GPATCH2: variants seen among roughly 807,000 people sequenced by gnomAD.
GPATCH2 encodes the protein G patch domain-containing protein 2.
GPATCH2 carries 51 observed loss-of-function variants against 58.0 expected under a neutral mutation model. The observed-to-expected ratio is 0.88, with a 90% CI of 0.70 to 1.11. GPATCH2 has a LOEUF of 1.11. GPATCH2 is among the 50% of genes most tolerant of loss of function. GPATCH2 has a pLI of 0.00. For synonymous variants in GPATCH2, 222 were observed against 218.5 expected (o/e 1.02, Z -0.14); for missense variants, 625 against 652.2 (o/e 0.96, Z 0.45).
At chr1:217,505,968 A>T (rs1400993236) in intron 6 of GPATCH2, among the ~76,000 whole-genome samples, 1 of 152,200 alleles carries the variant, frequency 6.6e-6, no homozygotes, top group Non-Finnish European at 1.5e-5. Context: ...GATTACAGGC[A>T]TGTGCCACCA....
intron 6 of GPATCH2, among the ~76,000 whole-genome samples, chr1:217,506,609 G>A (rs1316965144): frequency 6.6e-6 from 1 of 152,036 alleles, no homozygotes; most frequent in Non-Finnish European, 1.5e-5. Context: ...TCATACCAAG[G>A]GAACAATAAA....
At position 217,589,895 on chromosome 1, in the gene GPATCH2, T is replaced by C. The variant is rs72747620; in HGVS notation, c.1098+20426A>G. Among the ~76,000 whole-genome samples, 580 of 152,272 alleles carry C rather than the reference T, an allele frequency of 3.8e-3. 2 individuals are homozygous for C. Among genetic ancestry groups the C allele is most frequent in the Non-Finnish European group, 6.2e-3 (419 of 68,018 alleles). On this transcript the variant is annotated intron_variant, in intron 5 of 9. Coordinates refer to ENST00000366935, the MANE Select transcript of GPATCH2 (RefSeq NM_018040.5). ...AAATGCCTGAATTCTCAATTAACTA[T>C]AATAGTGCTTCTATAACCAACTCTA...
At position 217,519,139 on chromosome 1, in the gene GPATCH2, C is replaced by T. The variant is rs1663324793; in HGVS notation, c.1099-4250G>A. On this transcript the variant is annotated intron_variant, in intron 5 of 9. Transcript: ENST00000366935. ...AATGTGTTGAATATTTATCTCTTAT[C>T]CCCATACAGAAGAATAAAGGAAGAT... Among the ~76,000 whole-genome samples, 5 of 152,164 alleles carry T rather than the reference C, an allele frequency of 3.3e-5. No individual in the cohort carries two copies. The South Asian group carries it at 1.0e-3, about 32-fold the overall frequency.
chr1:217,570,067 AT>A (rs1168565112), intron 5 of GPATCH2, among the ~76,000 whole-genome samples: 2 of 152,156 alleles, frequency 1.3e-5, no homozygotes, highest in Non-Finnish European at 2.9e-5. Flanking sequence ...CAATATTTAC[AT>A]TGTAAAGATA....
intron 3 of GPATCH2, among the ~76,000 whole-genome samples, chr1:217,611,640 T>C (rs1332465226): frequency 1.3e-5 from 2 of 152,200 alleles, no homozygotes; most frequent in African/African-American, 4.8e-5. Context: ...TATAGGTATA[T>C]AATTAGCTTA....
chr1:217,560,227 T>C (rs1180451491), intron 5 of GPATCH2, among the ~76,000 whole-genome samples: 1 of 152,196 alleles, frequency 6.6e-6, no homozygotes, highest in Non-Finnish European at 1.5e-5. Context: ...AAGCTTGTAC[T>C]CCAAGAGCCT....
chr1:217,590,328 C>A (rs1376902722), intron 5 of GPATCH2, among the ~76,000 whole-genome samples: 1 of 151,990 alleles, frequency 6.6e-6, no homozygotes, highest in Non-Finnish European at 1.5e-5. Flanking sequence ...GGCCCTGTAC[C>A]ATGTCTTTTT....
At chr1:217,479,782 A>G (rs553364644) in intron 8 of GPATCH2, among the ~76,000 whole-genome samples, 2 of 152,298 alleles carry the variant, frequency 1.3e-5, no homozygotes, top group East Asian at 3.9e-4. Flanking sequence ...CTTTACCTGT[A>G]AAGACACATA....
intron 6 of GPATCH2, among the ~76,000 whole-genome samples, chr1:217,513,825 C>CTT (rs567793120): frequency 4.2e-5 from 6 of 141,984 alleles, no homozygotes; most frequent in African/African-American, 5.1e-5. Context: ...GAAAACCAGT[C>CTT]TTTTTTTTTT....
At chr1:217,536,712 T>C (rs1158632246) in intron 5 of GPATCH2, among the ~76,000 whole-genome samples, 1 of 152,168 alleles carries the variant, frequency 6.6e-6, no homozygotes, top group Non-Finnish European at 1.5e-5. Context: ...CGGTGGCTCA[T>C]GCCCGTAATC....
chr1:217,433,097 C>T (rs1464706904), intron 9 of GPATCH2, among the ~76,000 whole-genome samples: 3 of 151,996 alleles, frequency 2.0e-5, no homozygotes, highest in African/African-American at 7.3e-5. Flanking sequence ...CCTTTCCCAT[C>T]ATCAGTTTTC....
intron 8 of GPATCH2, among the ~76,000 whole-genome samples, chr1:217,462,355 T>C (rs1398611050): frequency 1.3e-5 from 2 of 152,200 alleles, no homozygotes; most frequent in East Asian, 1.9e-4. Context: ...TTAGTCATGA[T>C]TGCAAAATGT....
chr1:217,485,012 T>C (rs1232840227), intron 8 of GPATCH2, among the ~76,000 whole-genome samples: 2 of 152,136 alleles, frequency 1.3e-5, no homozygotes, highest in Admixed American at 1.3e-4. Context: ...ACTATAGAAA[T>C]TGGCTCATGT....
intron 5 of GPATCH2, among the ~76,000 whole-genome samples, chr1:217,525,784 T>C (rs1354911400): frequency 6.6e-6 from 1 of 152,142 alleles, no homozygotes; most frequent in Admixed American, 6.5e-5. Context: ...TCAGCAAACA[T>C]GTTTGAGGAC....
At position 217,428,601 on chromosome 1, in the gene GPATCH2, C is replaced by G. The variant is rs1301165030; in HGVS notation, c.*2544G>C. ...GGGGAAGCTTGGGATGTTATCACTT[C>G]TCTGCTTTGAGTGCTGATTCACATA... On this transcript the variant is annotated 3_prime_UTR_variant, in exon 10 of 10. Transcript: ENST00000366935. 6.6e-6 allele frequency: 1 copy of G among 152,178 alleles called. No individual in the cohort carries two copies. Among genetic ancestry groups the G allele is most frequent in the African/African-American group, 2.4e-5 (1 of 41,448 alleles). The allele number at this position is 152,178 out of a possible 1,614,324, so 9.4% of individuals were successfully genotyped here.
In GPATCH2 at chr1:217,514,821, C is replaced by G; in HGVS notation, c.1166+1G>C. On this transcript the variant is annotated splice_donor_variant, in intron 6 of 9. Coordinates refer to ENST00000366935, the MANE Select transcript of GPATCH2 (RefSeq NM_018040.5). LOFTEE classifies it high-confidence loss of function. Reference sequence around the variant, plus strand: ...GTTATATAAACACACTGAGTACTCACTCATGGTGATGAGAATCCGGGGAAA... The same window carrying G: ...GTTATATAAACACACTGAGTACTCAGTCATGGTGATGAGAATCCGGGGAAA... 1 of 1,436,784 alleles carries G rather than the reference C, an allele frequency of 7.0e-7. No individual in the cohort carries two copies. The highest frequency in any genetic ancestry group is 9.8e-7 in the Non-Finnish European group (1 of 1,018,796). The allele number at this position is 1,436,784 out of a possible 1,614,324, so 89.0% of individuals were successfully genotyped here.
intron 5 of GPATCH2, among the ~76,000 whole-genome samples, chr1:217,527,479 T>A (rs1478004159): frequency 2.1e-5 from 1 of 47,186 alleles, no homozygotes; most frequent in Non-Finnish European, 5.1e-5. Flanking sequence ...ATAACATCCA[T>A]TTTTTTTTTT....
intron 5 of GPATCH2, among the ~76,000 whole-genome samples, chr1:217,568,495 T>C (rs1004577711): frequency 4.4e-4 from 66 of 150,936 alleles, no homozygotes; most frequent in African/African-American, 1.5e-3. Flanking sequence ...AGCAAAAAAG[T>C]GAAATTGAGA....
At chr1:217,508,422 T>C (rs888858949) in intron 6 of GPATCH2, among the ~76,000 whole-genome samples, 5 of 152,170 alleles carry the variant, frequency 3.3e-5, no homozygotes, top group African/African-American at 1.2e-4. Flanking sequence ...TAAAATAAGT[T>C]TGATTTACAT....
Sources: gnomAD v4.1 joint callset for allele counts (sites outside exome capture counted in the v4.1 genomes callset) on GRCh38, gnomAD v4.1.1 for gene constraint, MANE v1.5 for transcripts, NCBI Gene and HGNC (gene_info 2026-07-23, HGNC 2026-07-21) for gene names.